KIAA0825: variants seen among roughly 807,000 people sequenced by gnomAD.
The protein encoded by KIAA0825 is KIAA0825.
Under a neutral mutation model 147.6 loss-of-function variants are expected in KIAA0825, and 119 were observed. The observed-to-expected ratio is 0.81, with a 90% CI of 0.69 to 0.94. The LOEUF is 0.94. Among genes scored for constraint, KIAA0825 ranks in the 40% least tolerant of loss-of-function variants. The probability of loss-of-function intolerance (pLI) is 0.00; values close to 1 mark genes in which losing one functional copy is unlikely to be tolerated. For missense variants in KIAA0825, 1,381 were observed against 1,472.7 expected (o/e 0.94, Z 1.02); for synonymous variants, 470 against 518.1 (o/e 0.91, Z 1.26).
intron 20 of KIAA0825, among the ~76,000 whole-genome samples, chr5:94,255,707 CTTTTTTT>C (rs57646287): frequency 4.4e-4 from 21 of 47,812 alleles, no homozygotes; most frequent in Admixed American, 6.1e-4. Flanking sequence ...AGAATTATGG[CTTTTTTT>C]TTTTTTTTTT....
intron 5 of KIAA0825, among the ~76,000 whole-genome samples, chr5:94,485,224 CT>C (rs150180334): frequency 2.5e-3 from 372 of 147,398 alleles, no homozygotes; most frequent in African/African-American, 6.5e-3. Context: ...CGCAATTCTG[CT>C]TTTTTTTTTC....
At chr5:94,214,937 A>AAATG (rs1322230902) in intron 20 of KIAA0825, among the ~76,000 whole-genome samples, 20 of 152,244 alleles carry the variant, frequency 1.3e-4, no homozygotes, top group African/African-American at 4.3e-4. Context: ...TATACACATG[A>AAATG]AATGCAACAT....
chr5:94,293,264 C>G (rs1777985916), intron 20 of KIAA0825, among the ~76,000 whole-genome samples: 1 of 152,176 alleles, frequency 6.6e-6, no homozygotes, highest in Non-Finnish European at 1.5e-5. Flanking sequence ...ATCAATTTCC[C>G]TCTAAACACT....
intron 1 of KIAA0825, among the ~76,000 whole-genome samples, chr5:94,600,883 C>T (rs1662398980): frequency 6.6e-6 from 1 of 152,206 alleles, no homozygotes; most frequent in South Asian, 2.1e-4. Flanking sequence ...ACTCCAGCCA[C>T]TCCCACTGAC....
chr5:94,480,645 T>C (rs115776387), intron 6 of KIAA0825, among the ~76,000 whole-genome samples: 271 of 152,202 alleles, frequency 1.8e-3, no homozygotes, highest in African/African-American at 6.2e-3. Flanking sequence ...CACTCCCAAA[T>C]ACATTATGTT....
At chr5:94,179,311 A>C (rs556029478) in intron 20 of KIAA0825, among the ~76,000 whole-genome samples, 1 of 152,244 alleles carries the variant, frequency 6.6e-6, no homozygotes, top group African/African-American at 2.4e-5. Flanking sequence ...TTGGAGGAAA[A>C]GATAGAATGC....
intron 20 of KIAA0825, among the ~76,000 whole-genome samples, chr5:94,197,870 T>A (rs1003709333): frequency 1.3e-5 from 2 of 152,236 alleles, no homozygotes; most frequent in African/African-American, 4.8e-5. Context: ...TTGGTTACCA[T>A]AGCATTGTAA....
intron 20 of KIAA0825, among the ~76,000 whole-genome samples, chr5:94,265,402 A>C (rs568315245): frequency 1.0e-3 from 155 of 152,322 alleles, no homozygotes; most frequent in African/African-American, 3.7e-3. Context: ...TAAAATTTGC[A>C]CCAATGGTAA....
At chr5:94,352,379 A>G (rs1359541517) in intron 20 of KIAA0825, among the ~76,000 whole-genome samples, 6 of 152,156 alleles carry the variant, frequency 3.9e-5, no homozygotes, top group African/African-American at 1.4e-4. Context: ...ATTCCACCTC[A>G]CTCCTGCAAG....
chr5:94,238,076 A>C (rs1287258413), intron 20 of KIAA0825, among the ~76,000 whole-genome samples: 2 of 152,176 alleles, frequency 1.3e-5, no homozygotes, highest in African/African-American at 2.4e-5. Context: ...TTAATTTTGC[A>C]CTCTAGTTAA....
At chr5:94,385,871 G>C (rs1264283100) in intron 19 of KIAA0825, among the ~76,000 whole-genome samples, 4 of 152,058 alleles carry the variant, frequency 2.6e-5, no homozygotes, top group African/African-American at 4.8e-5. Flanking sequence ...TGATAAATTC[G>C]TAAAGGTTGC....
At chr5:94,569,070 T>C (rs1170678901) in intron 2 of KIAA0825, 5 of 171,346 alleles carry the variant, frequency 2.9e-5, no homozygotes, top group Admixed American at 1.3e-4. Flanking sequence ...GAATCAATGC[T>C]GGCCCCTCCC....
At chr5:94,221,620 A>C (rs556765550) in intron 20 of KIAA0825, among the ~76,000 whole-genome samples, 110 of 152,244 alleles carry the variant, frequency 7.2e-4, no homozygotes, top group Non-Finnish European at 1.3e-3. Context: ...GTCTCTGCTC[A>C]TTCTCCAGCC....
At chr5:94,250,437 A>G (rs182467991) in intron 20 of KIAA0825, among the ~76,000 whole-genome samples, 1 of 152,290 alleles carries the variant, frequency 6.6e-6, no homozygotes, top group Non-Finnish European at 1.5e-5. Context: ...GAATGCAGCT[A>G]TAATCTTCCA....
intron 1 of KIAA0825, among the ~76,000 whole-genome samples, chr5:94,599,238 G>A (rs183056716): frequency 4.8e-4 from 73 of 151,364 alleles, no homozygotes; most frequent in Non-Finnish European, 5.7e-4. Flanking sequence ...GTGGTGTTGA[G>A]CATGTTTTCA....
At chr5:94,196,997 C>T (rs1036986796) in intron 20 of KIAA0825, among the ~76,000 whole-genome samples, 1 of 152,178 alleles carries the variant, frequency 6.6e-6, no homozygotes, top group African/African-American at 2.4e-5. Flanking sequence ...AATGGGATTG[C>T]TAAGTTCAAA....
In KIAA0825 at chr5:94,617,446, G is replaced by A. The variant is rs1585067792; in HGVS notation, c.-153+1054C>T. ...GAAGACACTGGCCTGGTGTTAACAG[G>A]GGCCTTGAATTGAACATATTGCATT... On this transcript the variant is annotated intron_variant, in intron 1 of 20. Coordinates refer to ENST00000682413, the MANE Select transcript of KIAA0825 (RefSeq NM_001145678.3). Among the ~76,000 whole-genome samples the A allele has an allele frequency of 3.9e-5, 6 of 152,092 alleles. No individual in the cohort carries two copies. The South Asian group carries it at 1.2e-3, about 32-fold the overall frequency.
At chr5:94,257,715 C>T (rs887572203) in intron 20 of KIAA0825, among the ~76,000 whole-genome samples, 2 of 152,032 alleles carry the variant, frequency 1.3e-5, no homozygotes, top group Non-Finnish European at 2.9e-5. Flanking sequence ...AAGTGACTTA[C>T]GATCATACAA....
At chr5:94,170,816 T>C (rs901409411) in intron 20 of KIAA0825, among the ~76,000 whole-genome samples, 1 of 152,162 alleles carries the variant, frequency 6.6e-6, no homozygotes, top group African/African-American at 2.4e-5. Flanking sequence ...CTGCCTATCA[T>C]ACCAGCCCCA....
Sources: gnomAD v4.1 joint callset for allele counts (sites outside exome capture counted in the v4.1 genomes callset) on GRCh38, gnomAD v4.1.1 for gene constraint, MANE v1.5 for transcripts, NCBI Gene and HGNC (gene_info 2026-07-23, HGNC 2026-07-21) for gene names.